The following PTPRO variants were observed in gnomAD, a reference collection of about 807,000 sequenced individuals.
PTPRO encodes the protein protein tyrosine phosphatase receptor type O, also known as receptor-type tyrosine-protein phosphatase O.
In PTPRO, 62 loss-of-function variants were observed where a neutral mutation model predicts 145.2. The observed-to-expected ratio is 0.43, with a 90% CI of 0.35 to 0.53. The LOEUF (loss-of-function observed/expected upper bound fraction) is 0.53. Among genes scored for constraint, PTPRO ranks in the 20% least tolerant of loss-of-function variants. The pLI, the probability that PTPRO is intolerant of heterozygous loss-of-function variation, is 0.01. For missense variants in PTPRO, 1,345 were observed against 1,482.7 expected (o/e 0.91, Z 1.53); for synonymous variants, 565 against 514.7 (o/e 1.10, Z -1.32).
intron 1 of PTPRO, among the ~76,000 whole-genome samples, chr12:15,372,195 T>A (rs1157378435): frequency 6.6e-6 from 1 of 152,196 alleles, no homozygotes; most frequent in Non-Finnish European, 1.5e-5. Flanking sequence ...ATACCCCTAA[T>A]GAATCATTTA....
At chr12:15,328,043 G>A (rs537357679) in intron 1 of PTPRO, among the ~76,000 whole-genome samples, 3 of 151,960 alleles carry the variant, frequency 2.0e-5, no homozygotes, top group South Asian at 2.1e-4. Flanking sequence ...GAACCCAGAA[G>A]GCGGAGGTTG....
intron 1 of PTPRO, among the ~76,000 whole-genome samples, chr12:15,364,015 C>A (rs1938286321): frequency 6.6e-6 from 1 of 152,160 alleles, no homozygotes; most frequent in Non-Finnish European, 1.5e-5. Flanking sequence ...GTGGAACTAT[C>A]CATTTAACTT....
chr12:15,498,326 G>A (rs2136463660), intron 3 of PTPRO, among the ~76,000 whole-genome samples: 1 of 152,270 alleles, frequency 6.6e-6, no homozygotes, highest in South Asian at 2.1e-4. Context: ...AGGCCGAGGT[G>A]GGCAGATCAC....
chr12:15,418,942 A>T (rs2136323868), intron 1 of PTPRO, among the ~76,000 whole-genome samples: 1 of 151,836 alleles, frequency 6.6e-6, no homozygotes, highest in African/African-American at 2.4e-5. Context: ...AAGTAGAAAA[A>T]TTGTGACACT....
intron 25 of PTPRO, among the ~76,000 whole-genome samples, chr12:15,592,030 T>C (rs1314267992): frequency 6.6e-6 from 1 of 152,204 alleles, no homozygotes; most frequent in Non-Finnish European, 1.5e-5. Context: ...GCTTGACCCT[T>C]GATTCCCGCA....
intron 1 of PTPRO, among the ~76,000 whole-genome samples, chr12:15,375,115 A>G (rs7978938): frequency 0.15 from 22,469 of 152,214 alleles, 3,748 homozygotes; most frequent in African/African-American, 0.41. Context: ...TTGTTGCCCA[A>G]TAGAGTAAGT....
chr12:15,385,288 G>A (rs1938988055), intron 1 of PTPRO, among the ~76,000 whole-genome samples: 1 of 152,144 alleles, frequency 6.6e-6, no homozygotes, highest in East Asian at 1.9e-4. Context: ...CAGAGGAAAA[G>A]GCAAGAGCAG....
intron 1 of PTPRO, among the ~76,000 whole-genome samples, chr12:15,416,521 A>G (rs1408977538): frequency 6.6e-6 from 1 of 151,182 alleles, no homozygotes; most frequent in African/African-American, 2.5e-5. Context: ...GGGTTTCACC[A>G]TGTTAGCCAG....
intron 18 of PTPRO, 105 bp downstream of exon 18, chr12:15,565,733 A>C: frequency 2.4e-6 from 2 of 841,054 alleles, no homozygotes; most frequent in Admixed American, 2.0e-5. Context: ...CTTAAGAAAG[A>C]GGCAAATGCA....
chr12:15,477,953 G>A (rs1193402367), intron 1 of PTPRO, among the ~76,000 whole-genome samples: 2 of 152,156 alleles, frequency 1.3e-5, no homozygotes, highest in Non-Finnish European at 2.9e-5. Flanking sequence ...ACATTGCCCA[G>A]GGCTTGCTCT....
intron 12 of PTPRO, 65 bp downstream of exon 12, chr12:15,526,327 A>G: frequency 1.3e-6 from 2 of 1,590,594 alleles, no homozygotes; most frequent in Non-Finnish European, 1.7e-6. Context: ...CGATTCAGCA[A>G]GAGCTCCTCA....
At chr12:15,447,665 A>G (rs934048976) in intron 1 of PTPRO, among the ~76,000 whole-genome samples, 25 of 152,190 alleles carry the variant, frequency 1.6e-4, no homozygotes, top group African/African-American at 6.0e-4. Flanking sequence ...ATTTGCCACA[A>G]TCCTATGCCC....
intron 1 of PTPRO, among the ~76,000 whole-genome samples, chr12:15,426,046 T>A (rs1940277056): frequency 6.6e-6 from 1 of 151,628 alleles, no homozygotes; most frequent in Non-Finnish European, 1.5e-5. Flanking sequence ...ATTAACTTTT[T>A]CATACTAGAA....
chr12:15,453,215 T>C (rs930583351), intron 1 of PTPRO, among the ~76,000 whole-genome samples: 1 of 152,064 alleles, frequency 6.6e-6, no homozygotes, highest in African/African-American at 2.4e-5. Context: ...GGTCTCAAAC[T>C]CCTGACCTCA....
intron 1 of PTPRO, among the ~76,000 whole-genome samples, chr12:15,436,555 G>A (rs1399441620): frequency 6.6e-6 from 1 of 152,186 alleles, no homozygotes; most frequent in Admixed American, 6.5e-5. Flanking sequence ...CCCAGGCCAA[G>A]AGAGAGCACT....
chr12:15,336,231 T>TAA (rs201694522), intron 1 of PTPRO, among the ~76,000 whole-genome samples: 24 of 146,420 alleles, frequency 1.6e-4, no homozygotes, highest in East Asian at 7.9e-4. Context: ...GTGTGTATGT[T>TAA]AAAAAAAAAA....
chr12:15,331,526 T>C (rs962395123), intron 1 of PTPRO, among the ~76,000 whole-genome samples: 3 of 152,188 alleles, frequency 2.0e-5, no homozygotes, highest in Admixed American at 2.0e-4. Flanking sequence ...CTTAGAATTA[T>C]TGTCAGGAAT....
chr12:15,472,632 G>A (rs1016090921), intron 1 of PTPRO, among the ~76,000 whole-genome samples: 2 of 152,164 alleles, frequency 1.3e-5, no homozygotes, highest in African/African-American at 4.8e-5. Context: ...CAGAATTGAG[G>A]GCTTTCTTGT....
chr12:15,464,505 C>T (rs10732568), intron 1 of PTPRO, among the ~76,000 whole-genome samples: 136,027 of 150,324 alleles, frequency 0.9, 62,766 homozygotes, highest in Non-Finnish European at 0.99. Context: ...CAGGCACATG[C>T]CACCACGCCC....
Sources: allele counts gnomAD v4.1 joint callset (sites outside exome capture counted in the v4.1 genomes callset), GRCh38; gene constraint gnomAD v4.1.1; transcripts MANE v1.5; gene names NCBI Gene and HGNC (gene_info 2026-07-23, HGNC 2026-07-21).